The following ULK4 variants were observed in gnomAD, a reference collection of about 807,000 sequenced individuals.
ULK4 encodes the protein unc-51 like kinase 4, also known as inactive serine/threonine-protein kinase ULK4.
In ULK4, 133 loss-of-function variants were observed where a neutral mutation model predicts 160.6. The observed-to-expected ratio is 0.83, with a 90% CI of 0.72 to 0.96. The LOEUF (loss-of-function observed/expected upper bound fraction) is 0.96, where lower values mean the gene tolerates loss of function less well. Among genes scored for constraint, ULK4 ranks in the 40% least tolerant of loss-of-function variants. The pLI, the probability that ULK4 is intolerant of heterozygous loss-of-function variation, is 0.00. For synonymous variants in ULK4, 534 were observed against 539.8 expected, an observed-to-expected ratio of 0.99 and a Z score of 0.15; for missense variants, 1,580 against 1,499.5, an observed-to-expected ratio of 1.05 and a Z score of -0.89.
At chr3:41,728,549 G>A (rs1414969286) in intron 22 of ULK4, among the ~76,000 whole-genome samples, 1 of 152,096 alleles carries the variant, frequency 6.6e-6, no homozygotes, top group Non-Finnish European at 1.5e-5. Flanking sequence ...GATCAAATTT[G>A]GAGGCCTAAG....
chr3:41,328,524 C>T (rs897373966), intron 35 of ULK4, among the ~76,000 whole-genome samples: 9 of 152,132 alleles, frequency 5.9e-5, no homozygotes, highest in African/African-American at 1.7e-4. Context: ...CTGCAACATA[C>T]TGATAGTTTC....
intron 20 of ULK4, among the ~76,000 whole-genome samples, chr3:41,795,231 A>C (rs1451604366): frequency 6.6e-6 from 1 of 152,198 alleles, no homozygotes; most frequent in Admixed American, 6.5e-5. Flanking sequence ...TCTTTAATAA[A>C]TCCTCATGTA....
intron 30 of ULK4, among the ~76,000 whole-genome samples, chr3:41,648,627 A>C (rs565227651): frequency 4.6e-5 from 7 of 152,274 alleles, no homozygotes; most frequent in African/African-American, 1.4e-4. Context: ...TCTCACTTTT[A>C]AGCATCTCAA....
Position 41,311,451 on chromosome 3 carries a change from A to C in ULK4, c.3679-61877T>G, listed in dbSNP as rs558532586. Reference sequence around the variant, plus strand: ...CCATGCTGGATGCTTCCTGCCCTCCAACATCGGACTCCAAGTTCTTCAGTT... The same window carrying C: ...CCATGCTGGATGCTTCCTGCCCTCCCACATCGGACTCCAAGTTCTTCAGTT... On this transcript the variant is annotated intron_variant, in intron 35 of 36. Coordinates refer to ENST00000301831, the MANE Select transcript of ULK4 (RefSeq NM_017886.4). 1.6e-3 allele frequency among the ~76,000 whole-genome samples: 248 copies of C among 152,262 alleles called. 4 individuals carry two copies. Among genetic ancestry groups the C allele is most frequent in the African/African-American group, 5.4e-3 (224 of 41,536 alleles).
rs540012273 is a variant in ULK4 at position 41,547,597 on chromosome 3, C to T, written c.3226+18428G>A. Among the ~76,000 whole-genome samples, 9 of 152,218 alleles carry T rather than the reference C, an allele frequency of 5.9e-5. 2 individuals carry two copies. In the South Asian group the frequency reaches 6.2e-4, roughly 11 times the overall value. On this transcript the variant is annotated intron_variant, in intron 32 of 36. Transcript: ENST00000301831. ...CTGCCTGGAGTCCAGGCAATGGCACCGCTCCAGACAGGGATTTCACACAGG... is the reference window on the plus strand; with the variant it reads ...CTGCCTGGAGTCCAGGCAATGGCACTGCTCCAGACAGGGATTTCACACAGG...
intron 31 of ULK4, among the ~76,000 whole-genome samples, chr3:41,578,156 C>T (rs2125624914): frequency 6.6e-6 from 1 of 152,268 alleles, no homozygotes; most frequent in South Asian, 2.1e-4. Context: ...AGTCATCTTA[C>T]AGTCAGGGTT....
chr3:41,931,960 A>C lies in ULK4; in HGVS notation c.425T>G (p.Leu142Trp), dbSNP rs1037300792. 2 of 1,614,044 alleles carry C rather than the reference A, an allele frequency of 1.2e-6. No individual in the cohort carries two copies. The highest frequency in any genetic ancestry group is 2.7e-5 in the African/African-American group (2 of 74,922). Residue 142 changes from leucine (L) to tryptophan (W), a missense_variant, in exon 5 of 37, where the codon TTG (leucine) becomes TGG (tryptophan). Transcript: ENST00000301831. ...PGTLKFSNFC[L>W]AKVEGENLEE... The stretch of plus-strand genomic sequence containing the variant: ...CAAATTTTCACCTTCCACTTTTGCC[A>C]AGCAAAAGTTGCTAAACTTCAGTGT...
chr3:41,493,143 C>A (rs912161858), intron 32 of ULK4, among the ~76,000 whole-genome samples: 3 of 133,990 alleles, frequency 2.2e-5, no homozygotes, highest in Non-Finnish European at 4.8e-5. Flanking sequence ...CAGTACCACA[C>A]CACACCTATT....
At chr3:41,919,430 G>A (rs543255484) in intron 6 of ULK4, among the ~76,000 whole-genome samples, 8 of 152,010 alleles carry the variant, frequency 5.3e-5, no homozygotes, top group East Asian at 1.9e-4. Flanking sequence ...GGTGAGACCC[G>A]CTCTCTACTA....
At position 41,841,656 on chromosome 3, in the gene ULK4, G is replaced by A. The variant is rs1054529018; in HGVS notation, c.1657-5685C>T. 8.5e-5 allele frequency among the ~76,000 whole-genome samples: 13 copies of A among 152,294 alleles called. No homozygotes were observed. The East Asian group carries it at 1.5e-3, about 18-fold the overall frequency. On this transcript the variant is annotated intron_variant, in intron 17 of 36. Transcript: ENST00000301831. ...CATCTCCAAAGAGACAGCGACCATC[G>A]AGAACGGGCCATGATGACGATGGCG...
intron 35 of ULK4, among the ~76,000 whole-genome samples, chr3:41,374,225 C>T (rs894323724): frequency 2.6e-5 from 4 of 152,192 alleles, no homozygotes; most frequent in African/African-American, 9.7e-5. Flanking sequence ...GGAGCCGGTA[C>T]CTTTCCTTCT....
At chr3:41,401,396 A>G (rs1222359357) in intron 34 of ULK4, among the ~76,000 whole-genome samples, 1 of 152,154 alleles carries the variant, frequency 6.6e-6, no homozygotes, top group East Asian at 1.9e-4. Flanking sequence ...TGGAAAGGCT[A>G]TTGTTGTCCT....
At chr3:41,543,889 G>A (rs1052084675) in intron 32 of ULK4, among the ~76,000 whole-genome samples, 1 of 151,952 alleles carries the variant, frequency 6.6e-6, no homozygotes, top group Non-Finnish European at 1.5e-5. Context: ...GATAATTTCT[G>A]TCTCTTTATA....
At chr3:41,411,430 TTTTTA>T (rs2082407348) in intron 34 of ULK4, among the ~76,000 whole-genome samples, 1 of 151,296 alleles carries the variant, frequency 6.6e-6, no homozygotes, top group Admixed American at 6.6e-5. Context: ...CTTTTTTTTT[TTTTTA>T]TTTTTATTTT....
intron 12 of ULK4, among the ~76,000 whole-genome samples, chr3:41,906,158 A>G (rs1303369140): frequency 7.4e-6 from 1 of 135,370 alleles, no homozygotes; most frequent in Non-Finnish European, 1.5e-5. Context: ...CGGAGCTTGC[A>G]GTGAGCCGAG....
At chr3:41,896,085 G>C (rs1260620916) in intron 15 of ULK4, among the ~76,000 whole-genome samples, 6 of 151,882 alleles carry the variant, frequency 4.0e-5, no homozygotes, top group Non-Finnish European at 7.4e-5. Context: ...AGGGGAAGAG[G>C]AAAAAAATGT....
intron 32 of ULK4, among the ~76,000 whole-genome samples, chr3:41,548,299 A>G (rs1200504775): frequency 1.3e-5 from 2 of 151,944 alleles, no homozygotes; most frequent in African/African-American, 2.4e-5. Context: ...ACACACATAC[A>G]CATCAGGAGG....
intron 35 of ULK4, among the ~76,000 whole-genome samples, chr3:41,304,781 G>A (rs1444331600): frequency 1.3e-5 from 2 of 152,174 alleles, no homozygotes; most frequent in African/African-American, 2.4e-5. Context: ...GGATCCTGTC[G>A]CTTCTCCAGA....
At chr3:41,736,175 A>G (rs2038042424) in intron 22 of ULK4, among the ~76,000 whole-genome samples, 1 of 151,824 alleles carries the variant, frequency 6.6e-6, no homozygotes, top group Non-Finnish European at 1.5e-5. Context: ...TCTTTATAGC[A>G]GCATGATTTA....
Sources: allele counts gnomAD v4.1 joint callset (sites outside exome capture counted in the v4.1 genomes callset), GRCh38; gene constraint gnomAD v4.1.1; transcripts MANE v1.5; gene names NCBI Gene and HGNC (gene_info 2026-07-23, HGNC 2026-07-21).